HNF4G: variants seen among roughly 807,000 people sequenced by gnomAD.
HNF4G encodes the protein hepatocyte nuclear factor 4 gamma.
In HNF4G, 21 loss-of-function variants were observed where a neutral mutation model predicts 50.9. The observed-to-expected ratio is 0.41, with a 90% CI of 0.29 to 0.59. The LOEUF (loss-of-function observed/expected upper bound fraction) is 0.59, where lower values mean the gene tolerates loss of function less well. Among genes scored for constraint, HNF4G ranks in the 20% least tolerant of loss-of-function variants. The pLI is 0.26. For synonymous variants in HNF4G, 198 were observed against 185.6 expected, an observed-to-expected ratio of 1.07 and a Z score of -0.54; for missense variants, 527 against 559.4, an observed-to-expected ratio of 0.94 and a Z score of 0.58.
intron 1 of HNF4G, among the ~76,000 whole-genome samples, chr8:75,432,888 A>G (rs748180578): frequency 3.3e-5 from 5 of 152,198 alleles, no homozygotes; most frequent in Non-Finnish European, 2.9e-5. Flanking sequence ...CTGTGTAAAC[A>G]TTTAGACAGT....
In HNF4G at chr8:75,566,281, A is replaced by AGGTCTC. The variant is rs1191184505; in HGVS notation, c.*2185_*2186insGGTCTC. 6.6e-6 allele frequency: 1 copy of AGGTCTC among 152,172 alleles called. No homozygotes were observed. The highest frequency in any genetic ancestry group is 6.5e-5 in the Admixed American group (1 of 15,270). 9.4% of individuals were successfully genotyped at this position (152,172 alleles called of 1,614,324 possible). On this transcript the variant is annotated 3_prime_UTR_variant, in exon 10 of 10. Transcript: ENST00000396423. ...ATAAAGATACTAATTCTCATGACTG[A>AGGTCTC]ATCACCCTCCAAAGGCCCCACCTCC...
chr8:75,554,542 G>C (rs1352033188), intron 5 of HNF4G, among the ~76,000 whole-genome samples: 1 of 151,992 alleles, frequency 6.6e-6, no homozygotes, highest in African/African-American at 2.4e-5. Context: ...GGTGACAGGT[G>C]TTATTATCTC....
chr8:75,546,792 T>G (rs976143412), intron 2 of HNF4G, among the ~76,000 whole-genome samples: 1 of 152,164 alleles, frequency 6.6e-6, no homozygotes, highest in African/African-American at 2.4e-5. Context: ...TTTGGATATA[T>G]CTCCACTTTT....
intron 2 of HNF4G, among the ~76,000 whole-genome samples, chr8:75,518,724 GGACCTGGCCCA>G (rs556844570): frequency 6.0e-4 from 91 of 152,132 alleles, no homozygotes; most frequent in African/African-American, 2.1e-3. Context: ...GCAAGGCCCT[GGACCTGGCCCA>G]TGAAATCTTT....
At chr8:75,548,526 G>A (rs1030060831) in intron 3 of HNF4G, among the ~76,000 whole-genome samples, 7 of 152,104 alleles carry the variant, frequency 4.6e-5, no homozygotes, top group Admixed American at 2.0e-4. Context: ...GAGACTAGAT[G>A]TGCTATTTTA....
At chr8:75,547,989 ATTTT>A (rs34854066) in intron 3 of HNF4G, among the ~76,000 whole-genome samples, 1 of 140,206 alleles carries the variant, frequency 7.1e-6, no homozygotes, top group African/African-American at 2.6e-5. Context: ...GAAATTACAG[ATTTT>A]TTTTTTTTTT....
chr8:75,517,045 C>T (rs2941421), intron 2 of HNF4G, among the ~76,000 whole-genome samples: 121,592 of 152,028 alleles, frequency 0.8, 49,445 homozygotes, highest in African/African-American at 0.95. Context: ...AGGCACATCT[C>T]ACGTGGTGTC....
intron 2 of HNF4G, among the ~76,000 whole-genome samples, chr8:75,494,489 G>T (rs762446834): frequency 7.2e-5 from 11 of 152,128 alleles, no homozygotes; most frequent in Non-Finnish European, 1.2e-4. Context: ...GCTTTAATTT[G>T]TGACCATTGA....
chr8:75,487,886 AG>A (rs1333669974), intron 1 of HNF4G, among the ~76,000 whole-genome samples: 28 of 152,274 alleles, frequency 1.8e-4, no homozygotes, highest in African/African-American at 6.3e-4. Context: ...TCATGGTGGA[AG>A]GGGAAGCAAA....
intron 1 of HNF4G, among the ~76,000 whole-genome samples, chr8:75,455,171 T>C (rs564828253): frequency 6.6e-6 from 1 of 152,324 alleles, no homozygotes; most frequent in South Asian, 2.1e-4. Context: ...AACATTGATT[T>C]AAGTTTTTGG....
chr8:75,488,280 T>C (rs1585888023), intron 1 of HNF4G, among the ~76,000 whole-genome samples: 1 of 152,318 alleles, frequency 6.6e-6, no homozygotes, highest in East Asian at 1.9e-4. Context: ...TGTTTTGTTT[T>C]ACTTTGTTTT....
In HNF4G at chr8:75,424,333, G is replaced by A. The variant is rs138465277; in HGVS notation, c.-144+16171G>A. Among the ~76,000 whole-genome samples the A allele has an allele frequency of 7.8e-3, 1,192 of 152,130 alleles. 20 individuals are homozygous for A. The highest frequency in any genetic ancestry group is 0.026 in the African/African-American group (1,098 of 41,502). ...TAACCCTTTTTAAAATTTTTGTACA[G>A]GTTGAGAGTGTTTATTAATACAGCA... On this transcript the variant is annotated intron_variant, in intron 1 of 10. Coordinates refer to the HNF4G transcript ENST00000354370.
chr8:75,538,016 T>A (rs1806515411), upstream of HNF4G, among the ~76,000 whole-genome samples: 1 of 152,208 alleles, frequency 6.6e-6, no homozygotes, highest in Non-Finnish European at 1.5e-5. Flanking sequence ...ACCGCTTCTT[T>A]TGCTAGGCTG....
At chr8:75,523,954 C>A (rs573194496) in intron 2 of HNF4G, among the ~76,000 whole-genome samples, 1 of 151,540 alleles carries the variant, frequency 6.6e-6, no homozygotes, top group African/African-American at 2.4e-5. Flanking sequence ...TATGGGGTAC[C>A]TTTTAATTTT....
intron 2 of HNF4G, chr8:75,526,891 C>G (rs929322810): frequency 2.0e-5 from 3 of 151,914 alleles, no homozygotes; most frequent in Admixed American, 6.6e-5. Context: ...CTCAGCCTCC[C>G]GAGTAGCTGG....
At chr8:75,523,367 T>C (rs1223780798) in intron 2 of HNF4G, among the ~76,000 whole-genome samples, 1 of 152,242 alleles carries the variant, frequency 6.6e-6, no homozygotes, top group Non-Finnish European at 1.5e-5. Flanking sequence ...ACTTCTTGAA[T>C]CAATTCAATT....
intron 5 of HNF4G, among the ~76,000 whole-genome samples, chr8:75,554,781 C>T (rs2130807087): frequency 6.6e-6 from 1 of 152,114 alleles, no homozygotes; most frequent in African/African-American, 2.4e-5. Flanking sequence ...TGGAGATAAG[C>T]TCTATAAAAT....
At chr8:75,559,888 A>G (rs1484824164) in intron 8 of HNF4G, among the ~76,000 whole-genome samples, 1 of 152,206 alleles carries the variant, frequency 6.6e-6, no homozygotes, top group Non-Finnish European at 1.5e-5. Context: ...AAGTTAAGAA[A>G]TCATTTATTT....
chr8:75,495,764 C>T (rs762819809), intron 2 of HNF4G, among the ~76,000 whole-genome samples: 2 of 152,044 alleles, frequency 1.3e-5, no homozygotes, highest in Non-Finnish European at 2.9e-5. Context: ...TCTCGAACTC[C>T]TGGCCTCAAG....
Sources: allele counts gnomAD v4.1 joint callset (sites outside exome capture counted in the v4.1 genomes callset), GRCh38; gene constraint gnomAD v4.1.1; transcripts MANE v1.5; gene names NCBI Gene and HGNC (gene_info 2026-07-23, HGNC 2026-07-21).